Variants in NUP98 observed in about 807,000 individuals in gnomAD.
The protein encoded by NUP98 is nucleoporin 98 and 96 precursor, also known as nuclear pore complex protein Nup98-Nup96.
In NUP98, 26 loss-of-function variants were observed where a neutral mutation model predicts 191.9. That is an observed-to-expected ratio of 0.14 (90% CI 0.10 to 0.19). The LOEUF (loss-of-function observed/expected upper bound fraction) is 0.19. Among genes scored for constraint, NUP98 ranks in the 10% least tolerant of loss-of-function variants. The pLI, the probability that NUP98 is intolerant of heterozygous loss-of-function variation, is 1.00. For synonymous variants in NUP98, 808 were observed against 778.4 expected, an observed-to-expected ratio of 1.04 and a Z score of -0.63; for missense variants, 1,941 against 2,178.8, an observed-to-expected ratio of 0.89 and a Z score of 2.17.
intron 1 of NUP98, among the ~76,000 whole-genome samples, chr11:3,783,648 G>C (rs1045831230): frequency 4.6e-5 from 7 of 152,158 alleles, no homozygotes; most frequent in African/African-American, 1.7e-4. Flanking sequence ...GCAGTGAGCT[G>C]AGATCGCACC....
At chr11:3,722,543 T>C (rs1035704887) in intron 16 of NUP98, among the ~76,000 whole-genome samples, 5 of 151,974 alleles carry the variant, frequency 3.3e-5, no homozygotes, top group African/African-American at 9.7e-5. Flanking sequence ...ACACCCAAAA[T>C]GGGCTGGGCA....
At chr11:3,789,888 G>C (rs376448156) in intron 1 of NUP98, among the ~76,000 whole-genome samples, 4 of 152,112 alleles carry the variant, frequency 2.6e-5, no homozygotes, top group Non-Finnish European at 4.4e-5. Context: ...GGGTTCAAGC[G>C]ATTTCCCTGC....
chr11:3,746,649 AC>A (rs1589864828), intron 11 of NUP98, among the ~76,000 whole-genome samples: 2 of 151,852 alleles, frequency 1.3e-5, no homozygotes, highest in East Asian at 3.9e-4. Flanking sequence ...GCGGTGGCTC[AC>A]GCCTGTAATC....
At chr11:3,771,607 A>G in intron 7 of NUP98, 141 bp downstream of exon 7, 2 of 682,348 alleles carry the variant, frequency 2.9e-6, no homozygotes, top group Admixed American at 2.7e-5. Flanking sequence ...CCCCACATAC[A>G]TCCAGGCATT....
intron 1 of NUP98, among the ~76,000 whole-genome samples, chr11:3,787,752 G>A (rs190896388): frequency 3.9e-5 from 6 of 152,136 alleles, no homozygotes; most frequent in Non-Finnish European, 5.9e-5. Context: ...CCAGCACTCC[G>A]GGAAGCAGAG....
chr11:3,712,316 A>C, intron 20 of NUP98: 1 of 1,291,312 alleles, frequency 7.7e-7, no homozygotes, highest in East Asian at 3.1e-5. Context: ...GAGAGAACAA[A>C]GGGTTTAAAA....
At chr11:3,684,109 A>ATGTCTGTAGTCCCAGCTACTTGAGAG (rs2078064489) in intron 29 of NUP98, among the ~76,000 whole-genome samples, 1 of 152,026 alleles carries the variant, frequency 6.6e-6, no homozygotes, top group South Asian at 2.1e-4. Context: ...CTACTCAAGA[A>ATGTCTGTAGTCCCAGCTACTTGAGAG]GCTGAGGCAG....
At chr11:3,702,394 A>G in intron 23 of NUP98, 69 bp downstream of exon 23, 5 of 1,147,996 alleles carry the variant, frequency 4.4e-6, no homozygotes, top group Non-Finnish European at 6.2e-6. Flanking sequence ...GCAGGGCCCT[A>G]TCCTCCTGAT....
rs562149715 is a variant in NUP98 at position 3,706,283 on chromosome 11, A to G, written c.2925+162T>C. Among the ~76,000 whole-genome samples the G allele has an allele frequency of 7.2e-5, 11 of 152,322 alleles. No individual in the cohort carries two copies. In the South Asian group the frequency reaches 2.3e-3, roughly 32 times the overall value. ...CAATATAGCCTTATCTCCTTGAATA[A>G]GAGAATGAGGCCCAGACATTGGCCA... On this transcript the variant is annotated intron_variant, in intron 21 of 32. Transcript: ENST00000324932.
At position 3,713,921 on chromosome 11, in the gene NUP98, C is replaced by T. The variant is rs963410003; in HGVS notation, c.2474G>A (p.Arg825His). The change falls in exon 19 of 33, where the codon CGC (arginine) becomes CAC (histidine). Residue 825 changes from arginine (R) to histidine (H), a missense_variant. Arg to His is a conservative substitution (Grantham distance 29, BLOSUM62 0). Around this residue, in one of 6 missense-constraint regions of NUP98, gnomAD observed 95 missense variants for 139.7 expected, o/e 0.68. Coordinates refer to ENST00000324932, the MANE Select transcript of NUP98 (RefSeq NM_016320.5). ...TSRCLIKSPD[R>H]LADINYEGRL... is the part of the protein sequence containing the mutation. ...TCCTTCATAGTTGATATCAGCAAGG[C>T]GATCTGGGCTCTTTATTAAACAACG... 23 of 1,613,962 alleles carry T rather than the reference C, an allele frequency of 1.4e-5. No homozygotes were observed. The highest frequency in any genetic ancestry group is 1.7e-5 in the Non-Finnish European group (20 of 1,179,994).
At chr11:3,704,455 A>T (rs980186015) in intron 22 of NUP98, among the ~76,000 whole-genome samples, 1 of 152,232 alleles carries the variant, frequency 6.6e-6, no homozygotes, top group Non-Finnish European at 1.5e-5. Flanking sequence ...TAGAAATCTG[A>T]TGTGCTCTGT....
rs567846393 is a variant in NUP98, at chr11:3,681,454, T to C, written c.4918+1746A>G. ...GCTATAGTCTTATGAAATGTATTTCTTAAATAATAAGGCTTGAAAGCTGAA... is the reference window on the plus strand; with the variant it reads ...GCTATAGTCTTATGAAATGTATTTCCTAAATAATAAGGCTTGAAAGCTGAA... On this transcript the variant is annotated intron_variant, in intron 30 of 32. Coordinates refer to ENST00000324932, the MANE Select transcript of NUP98 (RefSeq NM_016320.5). Among the ~76,000 whole-genome samples the C allele has an allele frequency of 2.6e-5, 4 of 152,362 alleles. No homozygotes were observed. The South Asian group carries it at 8.3e-4, about 32-fold the overall frequency.
At chr11:3,748,522 G>T (rs1226005628) in intron 11 of NUP98, among the ~76,000 whole-genome samples, 2 of 151,990 alleles carry the variant, frequency 1.3e-5, no homozygotes, top group Non-Finnish European at 2.9e-5. Flanking sequence ...GTCCATCTTG[G>T]AAAAAAATAA....
intron 22 of NUP98, 25 bp from the exon 23 acceptor site, chr11:3,702,917 G>T (rs373941887): frequency 6.4e-7 from 1 of 1,554,514 alleles, no homozygotes. Flanking sequence ...GAATGAAGGG[G>T]AGAAAGACTA....
intron 7 of NUP98, among the ~76,000 whole-genome samples, chr11:3,771,414 C>T (rs950177588): frequency 6.6e-6 from 1 of 152,128 alleles, no homozygotes; most frequent in Non-Finnish European, 1.5e-5. Context: ...TTCCCTTGCC[C>T]TCTCTTCAAA....
chr11:3,796,533 T>C (rs1247503877), intron 1 of NUP98, among the ~76,000 whole-genome samples: 3 of 152,244 alleles, frequency 2.0e-5, no homozygotes, highest in Non-Finnish European at 4.4e-5. Context: ...GCTTCCACCT[T>C]ACCCGTGAAC....
At chr11:3,679,150 C>T (rs1485828505) in intron 31 of NUP98, among the ~76,000 whole-genome samples, 3 of 149,832 alleles carry the variant, frequency 2.0e-5, no homozygotes, top group Non-Finnish European at 3.0e-5. Context: ...AAAAACTGAC[C>T]GAAGACATTG....
chr11:3,684,942 A>G (rs1283967635), intron 29 of NUP98, among the ~76,000 whole-genome samples: 1 of 152,186 alleles, frequency 6.6e-6, no homozygotes, highest in Non-Finnish European at 1.5e-5. Flanking sequence ...CAGCATAATG[A>G]TAAGAGCACA....
At chr11:3,702,317 T>C (rs113146791) in intron 23 of NUP98, 146 bp downstream of exon 23, 35 of 125,078 alleles carry the variant, frequency 2.8e-4, no homozygotes, top group Non-Finnish European at 3.8e-4. Context: ...ACACACACTC[T>C]CTCTCTCTCT....
Sources: allele counts gnomAD v4.1 joint callset (sites outside exome capture counted in the v4.1 genomes callset), GRCh38; gene constraint gnomAD v4.1.1; regional missense constraint gnomAD v4.1.1; transcripts MANE v1.5; gene names NCBI Gene and HGNC (gene_info 2026-07-23, HGNC 2026-07-21).